Variants in TENT5D observed in about 807,000 individuals in gnomAD.
TENT5D encodes the protein cancer/testis antigen 112.
For synonymous variants in TENT5D, 103 were observed against 100.6 expected (o/e 1.02, Z -0.15); for missense variants, 191 against 287.0 (o/e 0.67, Z 2.42).
At chrX:80,341,732 G>A (rs1269106994) in intron 2 of TENT5D, among the ~76,000 whole-genome samples, 1 of 86,936 alleles carries the variant, frequency 1.2e-5, no homozygotes, top group Non-Finnish European at 2.2e-5. Context: ...TTTTTTTTGA[G>A]ACGGAGTCTC....
intron 3 of TENT5D, among the ~76,000 whole-genome samples, chrX:80,392,764 C>A (rs1040032002): frequency 9.3e-6 from 1 of 108,009 alleles, no homozygotes; most frequent in African/African-American, 3.4e-5. Context: ...GATCCACCCG[C>A]CTCGGCCTCC....
intron 3 of TENT5D, among the ~76,000 whole-genome samples, chrX:80,404,274 G>T (rs1931440639): frequency 8.9e-6 from 1 of 111,897 alleles, no homozygotes; most frequent in African/African-American, 3.2e-5. Flanking sequence ...TTTGAGAGTG[G>T]AGACTTAATT....
chrX:80,424,163 T>G (rs775015484), intron 1 of TENT5D, among the ~76,000 whole-genome samples: 3 of 111,219 alleles, frequency 2.7e-5, no homozygotes, highest in Non-Finnish European at 5.7e-5. Context: ...GGGGCTGGCT[T>G]AAGGGTCCTT....
chrX:80,390,723 A>T lies in TENT5D; in HGVS notation c.-141-47887A>T, dbSNP rs376011703. On this transcript the variant is annotated intron_variant, in intron 3 of 4. Coordinates refer to the TENT5D transcript ENST00000538312. The stretch of plus-strand genomic sequence containing the variant: ...TACTGGAAATTGTGATAATGGAGGA[A>T]TCGCAGTTTCTAGTCAAGAATATGA... 2.9e-4 allele frequency among the ~76,000 whole-genome samples: 32 copies of T among 111,350 alleles called. No individual in the cohort carries two copies. The South Asian group carries it at 0.012, about 41-fold the overall frequency.
chrX:80,397,408 G>A (rs1197114811), intron 3 of TENT5D, among the ~76,000 whole-genome samples: 7 of 107,858 alleles, frequency 6.5e-5, no homozygotes, highest in Non-Finnish European at 1.4e-4. Flanking sequence ...TTCCTAGATG[G>A]GATGGCGGCC....
At chrX:80,375,434 G>A (rs763950610) in intron 3 of TENT5D, among the ~76,000 whole-genome samples, 5 of 111,066 alleles carry the variant, frequency 4.5e-5, no homozygotes, top group Non-Finnish European at 9.5e-5. Flanking sequence ...GTGTCTTATT[G>A]TAATAGGTGC....
intron 3 of TENT5D, among the ~76,000 whole-genome samples, chrX:80,391,255 C>A (rs953623002): frequency 5.4e-5 from 6 of 111,358 alleles, no homozygotes; most frequent in South Asian, 3.8e-4. Flanking sequence ...TACATAGTTA[C>A]AAAAGGGCAC....
chrX:80,408,154 G>T (rs1252292677), intron 3 of TENT5D, among the ~76,000 whole-genome samples: 1 of 108,716 alleles, frequency 9.2e-6, no homozygotes, highest in Non-Finnish European at 1.9e-5. Context: ...AAGCAGGAAA[G>T]ATCCAAAATT....
At chrX:80,397,179 G>C (rs1159522400) in intron 3 of TENT5D, among the ~76,000 whole-genome samples, 1 of 104,843 alleles carries the variant, frequency 9.5e-6, no homozygotes. Context: ...CAGATGGGGC[G>C]GTTGCCAGGT....
intron 3 of TENT5D, among the ~76,000 whole-genome samples, chrX:80,352,720 CAAAAAAA>C (rs1189877322): frequency 5.0e-5 from 1 of 19,915 alleles, no homozygotes; most frequent in East Asian, 1.4e-3. Flanking sequence ...AGCAAACAAA[CAAAAAAA>C]AAAAAAAAAA....
intron 3 of TENT5D, among the ~76,000 whole-genome samples, chrX:80,358,419 A>C (rs976493185): frequency 1.8e-5 from 2 of 112,222 alleles, no homozygotes; most frequent in African/African-American, 6.5e-5. Flanking sequence ...TGTAGAAAGA[A>C]GTTTTAAAAT....
At chrX:80,380,652 C>T (rs1463392394) in intron 3 of TENT5D, among the ~76,000 whole-genome samples, 10 of 111,087 alleles carry the variant, frequency 9.0e-5, no homozygotes, top group Admixed American at 4.8e-4. Flanking sequence ...CTGTATTGGG[C>T]GCATATATAT....
chrX:80,429,931 G>A (rs1932055389), intron 1 of TENT5D, among the ~76,000 whole-genome samples: 1 of 110,921 alleles, frequency 9.0e-6, no homozygotes. Context: ...AACAAAGACA[G>A]TTTAGAGTAA....
chrX:80,366,491 A>G (rs188982377), intron 3 of TENT5D, among the ~76,000 whole-genome samples: 18 of 111,646 alleles, frequency 1.6e-4, no homozygotes, highest in Admixed American at 4.8e-4. Flanking sequence ...CATTTTACTT[A>G]TTAAAGAACT....
intron 3 of TENT5D, among the ~76,000 whole-genome samples, chrX:80,353,415 A>C (rs1315372290): frequency 2.7e-5 from 3 of 110,922 alleles, no homozygotes; most frequent in African/African-American, 9.9e-5. Context: ...GTTTTTTTTA[A>C]ATTTTCGCCC....
chrX:80,350,661 A>G (rs1324565197), intron 3 of TENT5D, among the ~76,000 whole-genome samples: 1 of 111,379 alleles, frequency 9.0e-6, no homozygotes, highest in African/African-American at 3.3e-5. Flanking sequence ...TAAGGTTAAT[A>G]TTGTTATTTG....
intron 3 of TENT5D, among the ~76,000 whole-genome samples, chrX:80,362,003 T>C (rs1024712143): frequency 9.1e-6 from 1 of 110,458 alleles, no homozygotes; most frequent in African/African-American, 3.3e-5. Context: ...TTTTTGGAGT[T>C]CTCAGTGTCT....
At chrX:80,429,872 A>G (rs1379800990) in intron 1 of TENT5D, among the ~76,000 whole-genome samples, 1 of 111,467 alleles carries the variant, frequency 9.0e-6, no homozygotes, top group Non-Finnish European at 1.9e-5. Flanking sequence ...GGTGTGTTTC[A>G]CTAAAGCTTC....
At chrX:80,445,092 C>T (rs1053585514) in exon 3 of TENT5D, 16 of 122,500 alleles carry the variant, frequency 1.3e-4, no homozygotes, top group African/African-American at 4.9e-4. Context: ...ATAGACTGTG[C>T]TTATCTTCAC....
Sources: gnomAD v4.1 joint callset for allele counts (sites outside exome capture counted in the v4.1 genomes callset) on GRCh38, gnomAD v4.1.1 for gene constraint, MANE v1.5 for transcripts, NCBI Gene and HGNC (gene_info 2026-07-23, HGNC 2026-07-21) for gene names.